Variants in FAM184A observed in about 807,000 individuals in gnomAD.
The protein encoded by FAM184A is family with sequence similarity 184 member A, also known as protein FAM184A.
FAM184A carries 99 observed loss-of-function variants against 143.8 expected under a neutral mutation model. The observed-to-expected ratio is 0.69, with a 90% CI of 0.58 to 0.81. FAM184A has a LOEUF of 0.81. Among genes scored for constraint, FAM184A ranks in the 40% least tolerant of loss-of-function variants. FAM184A has a pLI of 0.00. For synonymous variants in FAM184A, 427 were observed against 446.4 expected (o/e 0.96, Z 0.55); for missense variants, 1,217 against 1,310.5 (o/e 0.93, Z 1.10).
At chr6:119,065,019 C>A (rs2884078) in intron 1 of FAM184A, among the ~76,000 whole-genome samples, 63,183 of 151,942 alleles carry the variant, frequency 0.42, 14,959 homozygotes, top group East Asian at 0.75. Flanking sequence ...ACTCTCAGAA[C>A]TCTCCCATCA....
rs771291334 is a variant in FAM184A, at chr6:119,025,620, A to G, written c.160-807T>C. The G allele has an allele frequency of 2.9e-5, 15 of 518,856 alleles. No individual in the cohort carries two copies. In the East Asian group the frequency reaches 8.2e-4, roughly 28 times the overall value. 32.1% of individuals were successfully genotyped at this position (518,856 alleles called of 1,614,324 possible). On this transcript the variant is annotated intron_variant, in intron 1 of 17. Coordinates refer to ENST00000338891, the MANE Select transcript of FAM184A (RefSeq NM_024581.6). ...TCAAATGACAACAAATTCCCTGCACAGTAACACTCTCCTTCCTTCCCTCTG... is the reference window on the plus strand; with the variant it reads ...TCAAATGACAACAAATTCCCTGCACGGTAACACTCTCCTTCCTTCCCTCTG...
At position 119,093,082 on chromosome 6, in the gene FAM184A, C is replaced by G. The variant is rs188253455; in HGVS notation, c.-202+55996G>C. ...TGAATTCTTTTTATTCCCATTGACC[C>G]TAGAAGGCTCAATTCTGTGGCAGAA... On this transcript the variant is annotated intron_variant, in intron 1 of 16. Coordinates refer to the FAM184A transcript ENST00000352896. Among the ~76,000 whole-genome samples, 254 of 152,280 alleles carry G rather than the reference C, an allele frequency of 1.7e-3. 2 individuals carry two copies. The highest frequency in any genetic ancestry group is 5.7e-3 in the African/African-American group (235 of 41,562).
intron 1 of FAM184A, among the ~76,000 whole-genome samples, chr6:119,105,768 G>C (rs1296002207): frequency 6.6e-6 from 1 of 152,080 alleles, no homozygotes; most frequent in Non-Finnish European, 1.5e-5. Context: ...ATACAAAGCT[G>C]GTCTTGCCCT....
intron 1 of FAM184A, among the ~76,000 whole-genome samples, chr6:119,073,138 A>G (rs1313521888): frequency 6.6e-6 from 1 of 152,244 alleles, no homozygotes; most frequent in African/African-American, 2.4e-5. Flanking sequence ...ATCAAGTAAG[A>G]GGTACCAACA....
At position 119,004,536 on chromosome 6, in the gene FAM184A, T is replaced by C. The variant is rs3806976; in HGVS notation, c.1816-914A>G. On this transcript the variant is annotated intron_variant, in intron 7 of 17. Transcript: ENST00000338891. ...TGTTTTGCCTCTAGTAATTCTTTAA[T>C]TTTCCGCCAAAGGCAACATTAAACG... Among the ~76,000 whole-genome samples, 1,141 of 152,346 alleles carry C rather than the reference T, an allele frequency of 7.5e-3. 6 individuals are homozygous for C. The highest frequency in any genetic ancestry group is 0.024 in the South Asian group (116 of 4,828).
Position 119,003,481 on chromosome 6 carries a change from T to C in FAM184A, c.1937+20A>G, listed in dbSNP as rs777228284. The stretch of plus-strand genomic sequence containing the variant: ...TTCTTGCATGTCTTTATTGATAAGA[T>C]TACAGAATAAAAAATGTACCTAAGA... On this transcript the variant is annotated intron_variant, in intron 8 of 17. Transcript: ENST00000338891. 1 of 1,608,462 alleles carries C rather than the reference T, an allele frequency of 6.2e-7. No homozygotes were observed. Among genetic ancestry groups the C allele is most frequent in the Non-Finnish European group, 8.5e-7 (1 of 1,177,610 alleles).
intron 1 of FAM184A, among the ~76,000 whole-genome samples, chr6:119,077,402 A>G (rs1787913464): frequency 6.6e-6 from 1 of 152,226 alleles, no homozygotes; most frequent in Admixed American, 6.5e-5. Context: ...GAGCAATATA[A>G]CAGATATGAA....
chr6:118,975,418 G>C (rs1435163631), intron 12 of FAM184A, among the ~76,000 whole-genome samples: 1 of 152,174 alleles, frequency 6.6e-6, no homozygotes, highest in Non-Finnish European at 1.5e-5. Flanking sequence ...AATAATGTCA[G>C]ATTACAAAGA....
At chr6:119,096,045 C>T (rs9489589) in intron 1 of FAM184A, among the ~76,000 whole-genome samples, 5,163 of 152,162 alleles carry the variant, frequency 0.034, 138 homozygotes, top group African/African-American at 0.065. Flanking sequence ...TCCACCTCTC[C>T]TCAAAGCAAC....
At chr6:119,135,613 C>T (rs994820332) in intron 1 of FAM184A, among the ~76,000 whole-genome samples, 1 of 152,146 alleles carries the variant, frequency 6.6e-6, no homozygotes. Context: ...TCCATTCCTC[C>T]CTGTCAGAAT....
intron 1 of FAM184A, among the ~76,000 whole-genome samples, chr6:119,065,547 A>T (rs1053697957): frequency 6.6e-6 from 1 of 152,170 alleles, no homozygotes; most frequent in Admixed American, 6.6e-5. Flanking sequence ...TTCTTATCTC[A>T]GTCAACGTTA....
At chr6:118,970,008 A>ATATATATTTTTTTT in intron 14 of FAM184A, among the ~76,000 whole-genome samples, 1 of 19,046 alleles carries the variant, frequency 5.3e-5, no homozygotes, top group African/African-American at 1.5e-4. Context: ...ATATATATAT[A>ATATATATTTTTTTT]TTTTTTTTTT....
At chr6:119,107,026 A>G (rs553517488) in intron 1 of FAM184A, among the ~76,000 whole-genome samples, 1 of 152,352 alleles carries the variant, frequency 6.6e-6, no homozygotes, top group South Asian at 2.1e-4. Context: ...TATTACTTTC[A>G]CAGCTCTCAA....
intron 6 of FAM184A, 101 bp from the exon 7 acceptor site, chr6:119,006,709 C>T: frequency 1.1e-6 from 1 of 918,032 alleles, no homozygotes; most frequent in Non-Finnish European, 1.6e-6. Flanking sequence ...TGTAATTTTA[C>T]TGAATGGATG....
intron 9 of FAM184A, among the ~76,000 whole-genome samples, chr6:118,990,687 G>A (rs976001282): frequency 2.7e-5 from 4 of 148,586 alleles, no homozygotes; most frequent in Admixed American, 6.8e-5. Flanking sequence ...CCAACATGGC[G>A]AAACCTCGTC....
chr6:118,990,540 G>A (rs1167714377), intron 9 of FAM184A, among the ~76,000 whole-genome samples: 2 of 151,744 alleles, frequency 1.3e-5, no homozygotes, highest in African/African-American at 4.8e-5. Flanking sequence ...ACCACTGTTT[G>A]TTAATACATA....
chr6:119,015,437 G>A (rs999480214), intron 5 of FAM184A, among the ~76,000 whole-genome samples: 7 of 152,168 alleles, frequency 4.6e-5, no homozygotes, highest in East Asian at 1.9e-4. Context: ...CCGGCCCTGC[G>A]GGCCCCGGGC....
At chr6:119,025,350 A>G (rs1473271765) in intron 1 of FAM184A, 1 of 447,638 alleles carries the variant, frequency 2.2e-6, no homozygotes, top group South Asian at 1.7e-5. Flanking sequence ...TCCTTTCCCA[A>G]TTCCCCTATA....
intron 1 of FAM184A, among the ~76,000 whole-genome samples, chr6:119,094,033 TTTC>T: frequency 8.7e-6 from 1 of 115,564 alleles, no homozygotes. Context: ...CCTTCTTTCC[TTTC>T]TTCCTTCCTT....
Sources: gnomAD v4.1 joint callset for allele counts (sites outside exome capture counted in the v4.1 genomes callset) on GRCh38, gnomAD v4.1.1 for gene constraint, MANE v1.5 for transcripts, NCBI Gene and HGNC (gene_info 2026-07-23, HGNC 2026-07-21) for gene names.